The following HDAC9 variants were observed in gnomAD, a reference collection of about 807,000 sequenced individuals.
HDAC9 encodes the protein histone deacetylase 9.
A neutral mutation model predicts 139.4 loss-of-function variants in HDAC9; 41 were observed. The ratio of observed to expected loss-of-function variants is 0.29; its 90% CI spans 0.23 to 0.38. HDAC9 has a LOEUF of 0.38. Among genes scored for constraint, HDAC9 ranks in the 10% least tolerant of loss-of-function variants. The pLI is 1.00. For synonymous variants in HDAC9, 517 were observed against 476.2 expected, an observed-to-expected ratio of 1.09 and a Z score of -1.12; for missense variants, 1,147 against 1,297.0, an observed-to-expected ratio of 0.88 and a Z score of 1.78.
intron 1 of HDAC9, among the ~76,000 whole-genome samples, chr7:18,387,593 T>A (rs572302746): frequency 9.2e-5 from 14 of 152,338 alleles, no homozygotes; most frequent in African/African-American, 3.1e-4. Flanking sequence ...CAGAGAGAAA[T>A]TCCAACTGAA....
At chr7:18,370,679 G>A (rs989985329) in intron 1 of HDAC9, among the ~76,000 whole-genome samples, 4 of 152,088 alleles carry the variant, frequency 2.6e-5, no homozygotes, top group Non-Finnish European at 4.4e-5. Context: ...TCTAGCCCTT[G>A]CTAGCAATAT....
intron 1 of HDAC9, among the ~76,000 whole-genome samples, chr7:18,487,479 G>A (rs926521958): frequency 6.6e-6 from 1 of 152,062 alleles, no homozygotes; most frequent in Non-Finnish European, 1.5e-5. Context: ...CTTAGAGTGT[G>A]TTTGCCTCTG....
intron 1 of HDAC9, among the ~76,000 whole-genome samples, chr7:18,364,432 G>C (rs1386932483): frequency 6.6e-6 from 1 of 152,032 alleles, no homozygotes; most frequent in Non-Finnish European, 1.5e-5. Flanking sequence ...GAAAAAATAA[G>C]CAATCAGGAG....
At chr7:18,585,003 T>C (rs958052282) in intron 2 of HDAC9, among the ~76,000 whole-genome samples, 8 of 152,138 alleles carry the variant, frequency 5.3e-5, no homozygotes, top group Non-Finnish European at 1.2e-4. Flanking sequence ...GAATGACTGA[T>C]ACCAGTAAAC....
intron 1 of HDAC9, among the ~76,000 whole-genome samples, chr7:18,305,756 A>G (rs753174480): frequency 1.4e-5 from 2 of 145,506 alleles, no homozygotes; most frequent in Non-Finnish European, 3.0e-5. Context: ...ATAGCACACC[A>G]TGTAATATAG....
intron 12 of HDAC9, among the ~76,000 whole-genome samples, chr7:18,691,738 T>G (rs1464926071): frequency 1.3e-5 from 2 of 152,098 alleles, no homozygotes; most frequent in Non-Finnish European, 2.9e-5. Flanking sequence ...CTAAATAAAA[T>G]TAACCTGTGT....
intron 2 of HDAC9, among the ~76,000 whole-genome samples, chr7:18,571,174 A>G (rs3807919): frequency 0.03 from 4,619 of 152,296 alleles, 158 homozygotes; most frequent in African/African-American, 0.089. Flanking sequence ...TTAACGTTCA[A>G]TTTTTTTCTA....
At chr7:18,621,474 T>C (rs1840190283) in intron 6 of HDAC9, among the ~76,000 whole-genome samples, 1 of 152,076 alleles carries the variant, frequency 6.6e-6, no homozygotes, top group Admixed American at 6.6e-5. Context: ...TCTTAACAAG[T>C]AGACAAAATT....
intron 12 of HDAC9, among the ~76,000 whole-genome samples, chr7:18,682,694 T>C (rs1781972639): frequency 1.3e-5 from 2 of 152,004 alleles, no homozygotes; most frequent in African/African-American, 4.8e-5. Context: ...ATCAAATTAA[T>C]CGTGAGGTGA....
intron 1 of HDAC9, among the ~76,000 whole-genome samples, chr7:18,484,265 G>T (rs1795804987): frequency 6.6e-6 from 1 of 151,466 alleles, no homozygotes; most frequent in African/African-American, 2.4e-5. Flanking sequence ...GAGCCCAGGA[G>T]GTTGAGTTTG....
At chr7:18,455,610 T>C (rs1793273706) in intron 1 of HDAC9, among the ~76,000 whole-genome samples, 1 of 152,176 alleles carries the variant, frequency 6.6e-6, no homozygotes, top group African/African-American at 2.4e-5. Flanking sequence ...AAAGGATGGA[T>C]TGAAGCACAA....
At chr7:18,331,840 T>C (rs1800949389) in intron 1 of HDAC9, among the ~76,000 whole-genome samples, 1 of 151,558 alleles carries the variant, frequency 6.6e-6, no homozygotes, top group Non-Finnish European at 1.5e-5. Flanking sequence ...AGATCCTCAA[T>C]AGAGATTGCT....
chr7:18,364,055 T>TGAGA (rs1173557978), intron 1 of HDAC9, among the ~76,000 whole-genome samples: 8 of 152,132 alleles, frequency 5.3e-5, no homozygotes, highest in African/African-American at 7.2e-5. Context: ...TTTCCCACAA[T>TGAGA]AGTTCATAAT....
intron 23 of HDAC9, among the ~76,000 whole-genome samples, chr7:18,948,178 A>G (rs552287073): frequency 6.6e-6 from 1 of 152,164 alleles, no homozygotes; most frequent in African/African-American, 2.4e-5. Flanking sequence ...AGATACTCTT[A>G]CTGCTTCATT....
intron 2 of HDAC9, among the ~76,000 whole-genome samples, chr7:18,270,307 A>C (rs995766611): frequency 1.3e-5 from 2 of 150,800 alleles, no homozygotes. Context: ...ACAAAAAAAA[A>C]ACTGTGACTT....
At chr7:18,319,922 A>G (rs1296388162) in intron 1 of HDAC9, among the ~76,000 whole-genome samples, 1 of 152,190 alleles carries the variant, frequency 6.6e-6, no homozygotes, top group Admixed American at 6.5e-5. Flanking sequence ...CACATATAGA[A>G]TCTATTTTAG....
At chr7:18,126,067 T>G (rs1039431628) in intron 1 of HDAC9, among the ~76,000 whole-genome samples, 6 of 152,194 alleles carry the variant, frequency 3.9e-5, no homozygotes, top group African/African-American at 1.4e-4. Context: ...AATTCTTTCC[T>G]ATTTATATAG....
intron 1 of HDAC9, among the ~76,000 whole-genome samples, chr7:18,155,708 C>T (rs879438004): frequency 1.3e-5 from 2 of 152,072 alleles, no homozygotes; most frequent in African/African-American, 4.8e-5. Context: ...GATGTGTGGC[C>T]TTCTGGGTGA....
At chr7:18,874,310 T>C (rs899244306) in intron 21 of HDAC9, among the ~76,000 whole-genome samples, 168 bp from the exon 22 acceptor site, 2 of 151,910 alleles carry the variant, frequency 1.3e-5, no homozygotes, top group African/African-American at 4.8e-5. Flanking sequence ...ATAACAGCGA[T>C]TTATTATTAA....
Sources: gnomAD v4.1 joint callset for allele counts (sites outside exome capture counted in the v4.1 genomes callset) on GRCh38, gnomAD v4.1.1 for gene constraint, MANE v1.5 for transcripts, NCBI Gene and HGNC (gene_info 2026-07-23, HGNC 2026-07-21) for gene names.